TNRC6A: variants seen among roughly 807,000 people sequenced by gnomAD.
TNRC6A encodes the protein trinucleotide repeat-containing gene 6A protein.
TNRC6A carries 44 observed loss-of-function variants against 221.2 expected under a neutral mutation model. The ratio of observed to expected loss-of-function variants is 0.20; its 90% CI spans 0.16 to 0.26. The LOEUF is 0.26. Among genes scored for constraint, TNRC6A ranks in the 10% least tolerant of loss-of-function variants. The pLI, the probability that TNRC6A is intolerant of heterozygous loss-of-function variation, is 1.00. For synonymous variants in TNRC6A, 847 were observed against 838.5 expected (o/e 1.01, Z -0.18); for missense variants, 2,199 against 2,404.4 (o/e 0.91, Z 1.79).
intron 2 of TNRC6A, among the ~76,000 whole-genome samples, chr16:24,674,489 A>C (rs2142014445): frequency 6.6e-6 from 1 of 152,282 alleles, no homozygotes; most frequent in South Asian, 2.1e-4. Context: ...GTTTGCCAGG[A>C]TGGCATTAAT....
At chr16:24,743,097 C>T (rs993906445) in intron 2 of TNRC6A, among the ~76,000 whole-genome samples, 1 of 152,196 alleles carries the variant, frequency 6.6e-6, no homozygotes, top group African/African-American at 2.4e-5. Flanking sequence ...AGCCTTACCA[C>T]AGCCTTGTAC....
intron 16 of TNRC6A, 43 bp downstream of exon 16, chr16:24,806,326 TA>T: frequency 6.2e-7 from 1 of 1,604,902 alleles, no homozygotes; most frequent in Non-Finnish European, 8.5e-7. Flanking sequence ...TTTGTGTTAA[TA>T]AACTCTGCTT....
At chr16:24,738,856 T>G (rs1382622592) in intron 2 of TNRC6A, among the ~76,000 whole-genome samples, 2 of 152,130 alleles carry the variant, frequency 1.3e-5, no homozygotes, top group Admixed American at 1.3e-4. Context: ...TTTGTTTGTG[T>G]TGTTTTGTTT....
intron 1 of TNRC6A, among the ~76,000 whole-genome samples, chr16:24,617,091 T>C (rs1388092241): frequency 3.9e-5 from 6 of 152,084 alleles, no homozygotes; most frequent in African/African-American, 1.4e-4. Flanking sequence ...ACTGTAATTA[T>C]AGATTTATCT....
chr16:24,776,578 G>C (rs1407021080), intron 4 of TNRC6A: 1 of 985,306 alleles, frequency 1.0e-6, no homozygotes, highest in African/African-American at 1.7e-5. Flanking sequence ...ACTGAAAATT[G>C]GTTGGCCACA....
intron 2 of TNRC6A, among the ~76,000 whole-genome samples, chr16:24,688,394 G>A (rs529048073): frequency 5.2e-4 from 79 of 152,196 alleles, no homozygotes; most frequent in African/African-American, 1.6e-3. Flanking sequence ...CTCTCACCAC[G>A]GCCCTTTCCA....
intron 4 of TNRC6A, among the ~76,000 whole-genome samples, chr16:24,761,881 A>G (rs1480804476): frequency 2.0e-5 from 3 of 152,140 alleles, no homozygotes; most frequent in Non-Finnish European, 4.4e-5. Flanking sequence ...TTTCAAAAGA[A>G]TAAGTAAGCA....
chr16:24,687,799 G>A (rs573773174), intron 2 of TNRC6A, among the ~76,000 whole-genome samples: 1 of 150,350 alleles, frequency 6.7e-6, no homozygotes, highest in East Asian at 1.9e-4. Flanking sequence ...AGAAGGAGAA[G>A]GAGAAGGAGA....
chr16:24,685,983 G>A (rs2055618043), intron 2 of TNRC6A, among the ~76,000 whole-genome samples: 2 of 152,096 alleles, frequency 1.3e-5, no homozygotes. Flanking sequence ...ACTCTTTGTG[G>A]GCTAGCATTG....
intron 2 of TNRC6A, among the ~76,000 whole-genome samples, chr16:24,648,522 G>A (rs967430207): frequency 1.3e-5 from 2 of 151,728 alleles, no homozygotes; most frequent in African/African-American, 2.4e-5. Context: ...CACCCGCCTT[G>A]GCCTCCCAAA....
intron 1 of TNRC6A, among the ~76,000 whole-genome samples, chr16:24,619,435 A>G (rs745887948): frequency 6.6e-6 from 1 of 152,244 alleles, no homozygotes; most frequent in Non-Finnish European, 1.5e-5. Context: ...GGCATAAGTC[A>G]ATAAGTAGAG....
At chr16:24,753,927 T>C (rs2057191547) in intron 3 of TNRC6A, among the ~76,000 whole-genome samples, 2 of 152,362 alleles carry the variant, frequency 1.3e-5, no homozygotes, top group African/African-American at 4.8e-5. Flanking sequence ...AGGAATATAA[T>C]TGAAATCTCT....
chr16:24,823,797 A>T lies in TNRC6A; in HGVS notation c.5879A>T (p.Glu1960Val). The T allele has an allele frequency of 6.8e-7, 1 of 1,471,426 alleles. No homozygotes were observed. Among genetic ancestry groups the T allele is most frequent in the Non-Finnish European group, 9.0e-7 (1 of 1,110,460 alleles). 91.1% of individuals were successfully genotyped at this position (1,471,426 alleles called of 1,614,324 possible). The change falls in exon 25 of 25, where the codon GAG (glutamate) becomes GTG (valine). Residue 1960 changes from glutamate to valine, a missense_variant. Coordinates refer to ENST00000395799, the MANE Select transcript of TNRC6A (RefSeq NM_014494.4). The surrounding 1 kb of genome is among the most constrained non-coding windows in gnomAD (Gnocchi z 4.3). ...GTTGACCACCTGGGTGGGGGTGGAGAGTCCATGTAACAGTGTAGATGCAGA... is the reference window on the plus strand; with the variant it reads ...GTTGACCACCTGGGTGGGGGTGGAGTGTCCATGTAACAGTGTAGATGCAGA... ...LSVDHLGGGG[E>V]SM
intron 2 of TNRC6A, among the ~76,000 whole-genome samples, chr16:24,696,247 C>G (rs961602298): frequency 6.6e-6 from 1 of 150,784 alleles, no homozygotes; most frequent in Admixed American, 6.7e-5. Context: ...ACTCGGGAGG[C>G]TGAGGCAGGA....
intron 2 of TNRC6A, chr16:24,664,888 G>T (rs1434213592): frequency 2.2e-6 from 1 of 455,496 alleles, no homozygotes; most frequent in Admixed American, 2.4e-5. Context: ...GTGTTTGATT[G>T]AGGCCAGGGT....
chr16:24,792,061 C>T (rs569654792), intron 6 of TNRC6A, among the ~76,000 whole-genome samples: 15 of 152,242 alleles, frequency 9.9e-5, no homozygotes, highest in East Asian at 7.7e-4. Flanking sequence ...TGGACAAAGG[C>T]GGTCAAGTGG....
Position 24,822,032 on chromosome 16 carries a change from C to CT in TNRC6A, c.5303-42dup, listed in dbSNP as rs780932602. 14 of 1,593,008 alleles carry CT rather than the reference C, an allele frequency of 8.8e-6. No homozygotes were observed. The African/African-American group carries it at 1.7e-4, about 20-fold the overall frequency. On this transcript the variant is annotated intron_variant, in intron 22 of 24. Transcript: ENST00000395799. ...TCTGCTAAGTAACTGTAGTTGGGCT[C>CT]TTTCAGTCCTGGAAAACTGACTTGT...
rs534264378 is a variant in TNRC6A, at chr16:24,664,201, G to A, written n.402+23192G>A. Among the ~76,000 whole-genome samples the A allele has an allele frequency of 7.9e-5, 12 of 151,892 alleles. No individual in the cohort carries two copies. In the South Asian group the frequency reaches 2.1e-3, roughly 26 times the overall value. Reference sequence around the variant, plus strand: ...ACAAAAATTAGCTGAGCATGGTGGCGCTCACCTGTGATCCCAGCTATTCGG... The same window carrying A: ...ACAAAAATTAGCTGAGCATGGTGGCACTCACCTGTGATCCCAGCTATTCGG... On this transcript the variant is annotated intron_variant and non_coding_transcript_variant, in intron 2 of 2. Transcript: ENST00000566108.
intron 15 of TNRC6A, 55 bp from the exon 16 acceptor site, chr16:24,806,151 G>C (rs921288520): frequency 1.3e-5 from 20 of 1,593,564 alleles, no homozygotes; most frequent in Non-Finnish European, 1.6e-5. Flanking sequence ...TCATTTGGAA[G>C]CACACACTTT....
Sources: allele counts gnomAD v4.1 joint callset (sites outside exome capture counted in the v4.1 genomes callset), GRCh38; gene constraint gnomAD v4.1.1; non-coding constraint Gnocchi (gnomAD v3.1); transcripts MANE v1.5; gene names NCBI Gene and HGNC (gene_info 2026-07-23, HGNC 2026-07-21).